The following H2BC4 variants were observed in gnomAD, a reference collection of about 807,000 sequenced individuals.
H2BC4 encodes histone H2B type 1-C/E/F/G/I.
In H2BC4, 10 loss-of-function variants were observed where a neutral mutation model predicts 6.2. That is an observed-to-expected ratio of 1.61 (90% confidence interval 0.99 to 2.73). The LOEUF (loss-of-function observed/expected upper bound fraction) is 2.73, where lower values mean the gene tolerates loss of function less well. H2BC4 is among the 30% of genes most tolerant of loss of function. The pLI is 0.00. For synonymous variants in H2BC4, 146 were observed against 70.7 expected (o/e 2.07, Z -5.35); for missense variants, 176 against 168.7 (o/e 1.04, Z -0.24).
chr6:26,120,479 T>C (rs996289467), downstream of H2BC4, among the ~76,000 whole-genome samples: 1 of 152,134 alleles, frequency 6.6e-6, no homozygotes, highest in African/African-American at 2.4e-5. Context: ...CTCAATCTTA[T>C]TGCCAATTAG....
At chr6:26,122,047 T>C (rs1396172994), downstream of H2BC4, among the ~76,000 whole-genome samples, 1 of 106,380 alleles carries the variant, frequency 9.4e-6, no homozygotes, top group African/African-American at 3.9e-5. Context: ...GAGAGAAACT[T>C]CGTCTCAAAA....
chr6:26,119,432 CAATTT>C (rs1236314787), downstream of H2BC4, among the ~76,000 whole-genome samples: 1 of 152,128 alleles, frequency 6.6e-6, no homozygotes, highest in Non-Finnish European at 1.5e-5. Context: ...TTAATTTACT[CAATTT>C]AATAATATTC....
intron 1 of H2BC4, chr6:26,115,146 G>C (rs1763403324): frequency 1.3e-5 from 2 of 152,174 alleles, no homozygotes; most frequent in Non-Finnish European, 2.9e-5. Context: ...CTGGAGAAAA[G>C]AGAGAGAGTG....
Position 26,123,610 on chromosome 6 carries a change from C to G in H2BC4, c.295G>C (p.Val99Leu). The part of the protein sequence containing the change: ...TITSREIQTA[V>L]RLLLPGELAK... ...AGCTCTCCGGGAAGCAGCAGGCGCA[C>G]GGCCGTCTGGATCTCCCTGGAGGTG... is the stretch of plus-strand genomic sequence containing the variant. The change falls in exon 1 of 1, where the codon GTG becomes CTG. Residue 99 changes from valine to leucine, a missense_variant. Val to Leu is a conservative substitution (Grantham distance 32, BLOSUM62 1). Transcript: ENST00000396984. The G allele has an allele frequency of 6.2e-7, 1 of 1,614,276 alleles. No individual in the cohort carries two copies. The highest frequency in any genetic ancestry group is 8.5e-7 in the Non-Finnish European group (1 of 1,180,054).
At chr6:26,123,325 C>T (rs905123367), downstream of H2BC4, 13 of 948,820 alleles carry the variant, frequency 1.4e-5, no homozygotes, top group Non-Finnish European at 2.0e-5. Context: ...TTTTTAATGG[C>T]TGGCTTCTTT....
Position 26,123,917 on chromosome 6 carries a change from G to C in H2BC4, c.-13C>G, listed in dbSNP as rs773219380. 6.2e-6 allele frequency: 10 copies of C among 1,610,710 alleles called. No homozygotes were observed. The highest frequency in any genetic ancestry group is 4.4e-5 in the South Asian group (4 of 90,762). On this transcript the variant is annotated 5_prime_UTR_variant, in exon 1 of 1. Transcript: ENST00000396984. ...CTGGCTCAGGCATCTTAAAACACCAGAAATGTGTCGAAAGTAAAGAGCGGA... is the reference window on the plus strand; with the variant it reads ...CTGGCTCAGGCATCTTAAAACACCACAAATGTGTCGAAAGTAAAGAGCGGA...
downstream of H2BC4, among the ~76,000 whole-genome samples, chr6:26,121,863 A>G (rs1763500819): frequency 1.3e-5 from 2 of 151,656 alleles, no homozygotes; most frequent in South Asian, 4.2e-4. Context: ...GACCAGCCTG[A>G]CCGACATGGA....
chr6:26,119,907 A>AT (rs951714808), downstream of H2BC4, among the ~76,000 whole-genome samples: 4 of 151,762 alleles, frequency 2.6e-5, no homozygotes, highest in African/African-American at 9.7e-5. Flanking sequence ...ATTGTGAAGT[A>AT]TTTTTTTTAC....
At chr6:26,122,979 A>G (rs757575530), downstream of H2BC4, among the ~76,000 whole-genome samples, 14 of 152,216 alleles carry the variant, frequency 9.2e-5, no homozygotes, top group Non-Finnish European at 1.3e-4. Context: ...ACCCTTCAGT[A>G]TACTACGAAG....
downstream of H2BC4, chr6:26,123,315 T>C: frequency 2.2e-6 from 2 of 916,528 alleles, no homozygotes; most frequent in Non-Finnish European, 3.1e-6. Flanking sequence ...CCCAAAGCCA[T>C]TTTTAATGGC....
chr6:26,119,584 G>T (rs1320992872), downstream of H2BC4, among the ~76,000 whole-genome samples: 1 of 151,986 alleles, frequency 6.6e-6, no homozygotes, highest in African/African-American at 2.4e-5. Context: ...TTGGTTCAAT[G>T]AATAATTTAC....
At chr6:26,123,146 G>A (rs1285882832), downstream of H2BC4, among the ~76,000 whole-genome samples, 2 of 152,180 alleles carry the variant, frequency 1.3e-5, no homozygotes, top group African/African-American at 4.8e-5. Context: ...GAAGCTGGTG[G>A]CGAAATTATG....
At chr6:26,118,490 T>G (rs1333887270), downstream of H2BC4, among the ~76,000 whole-genome samples, 1 of 152,236 alleles carries the variant, frequency 6.6e-6, no homozygotes, top group African/African-American at 2.4e-5. Context: ...CTGCAAAAAG[T>G]TAGCATGCCA....
In H2BC4 at chr6:26,123,477, T is replaced by C. The variant is rs1403147673; in HGVS notation, c.*47A>G. 6.2e-7 allele frequency: 1 copy of C among 1,611,074 alleles called. No individual in the cohort carries two copies. The highest frequency in any genetic ancestry group is 8.5e-7 in the Non-Finnish European group (1 of 1,178,938). ...CTTTTAGTGGGTATCTGGGTGGCTC[T>C]TAAAAGAGCCTTTGGGGTTAGGTGT... On this transcript the variant is annotated 3_prime_UTR_variant, in exon 1 of 1. Coordinates refer to ENST00000396984, the MANE Select transcript of H2BC4 (RefSeq NM_003526.3).
chr6:26,116,442 C>G (rs1398460543), intron 1 of H2BC4, among the ~76,000 whole-genome samples: 1 of 152,114 alleles, frequency 6.6e-6, no homozygotes, highest in Admixed American at 6.5e-5. Context: ...CTAGTAATCC[C>G]AACAATTTGG....
At position 26,116,747 on chromosome 6, in the gene H2BC4, G is replaced by A. The variant is rs113891757; in HGVS notation, c.*10-1612C>T. ...GAGGTCAAGGAGTAGTAAGAAAGTG[G>A]CTCATTCTCCAGATTTACTCTCTTT... On this transcript the variant is annotated intron_variant, in intron 1 of 1. Transcript: ENST00000314332. Among the ~76,000 whole-genome samples the A allele has an allele frequency of 2.1e-3, 322 of 152,198 alleles. 2 individuals carry two copies. The highest frequency in any genetic ancestry group is 3.4e-3 in the Non-Finnish European group (228 of 68,004).
chr6:26,113,732 G>C (rs2113792316), downstream of H2BC4, among the ~76,000 whole-genome samples: 1 of 152,286 alleles, frequency 6.6e-6, no homozygotes. Flanking sequence ...GAGGCTGGAA[G>C]TCTCAGAGCA....
At chr6:26,123,402 A>G (rs1166452677), downstream of H2BC4, 4 of 1,500,998 alleles carry the variant, frequency 2.7e-6, no homozygotes, top group African/African-American at 2.8e-5. Context: ...CAGTTCCTAT[A>G]TTCTAATACC....
chr6:26,122,978 T>G (rs1397449324), downstream of H2BC4, among the ~76,000 whole-genome samples: 1 of 152,210 alleles, frequency 6.6e-6, no homozygotes, highest in Non-Finnish European at 1.5e-5. Context: ...CACCCTTCAG[T>G]ATACTACGAA....
Sources: gnomAD v4.1 joint callset for allele counts (sites outside exome capture counted in the v4.1 genomes callset) on GRCh38, gnomAD v4.1.1 for gene constraint, MANE v1.5 for transcripts, NCBI Gene and HGNC (gene_info 2026-07-23, HGNC 2026-07-21) for gene names.